CACNA2D1: variants seen among roughly 807,000 people sequenced by gnomAD.
The protein encoded by CACNA2D1 is calcium voltage-gated channel auxiliary subunit alpha2delta 1, also known as voltage-dependent calcium channel subunit alpha-2/delta-1.
CACNA2D1 carries 53 observed loss-of-function variants against 171.5 expected under a neutral mutation model. The ratio of observed to expected loss-of-function variants is 0.31; its 90% CI spans 0.25 to 0.39. The LOEUF is 0.39. CACNA2D1 is among the 10% of genes least tolerant of loss of function. The pLI is 1.00. For synonymous variants in CACNA2D1, 442 were observed against 443.1 expected (o/e 1.00, Z 0.03); for missense variants, 903 against 1,299.8 (o/e 0.69, Z 4.69).
At chr7:82,434,936 T>C (rs1444779035) in intron 1 of CACNA2D1, among the ~76,000 whole-genome samples, 1 of 152,064 alleles carries the variant, frequency 6.6e-6, no homozygotes, top group Non-Finnish European at 1.5e-5. Flanking sequence ...CTTAGTAGAT[T>C]ATAGATAAAT....
intron 3 of CACNA2D1, among the ~76,000 whole-genome samples, chr7:82,241,206 C>G (rs1804234384): frequency 6.6e-6 from 1 of 151,990 alleles, no homozygotes; most frequent in Non-Finnish European, 1.5e-5. Flanking sequence ...TAGTTATGAC[C>G]CTGATTACGA....
intron 1 of CACNA2D1, among the ~76,000 whole-genome samples, chr7:82,425,848 G>A (rs1196750536): frequency 2.0e-5 from 3 of 151,178 alleles, no homozygotes; most frequent in African/African-American, 7.3e-5. Context: ...TCTGTTTGGG[G>A]CTGGGCGTGG....
chr7:82,223,338 C>A (rs1392366049), intron 3 of CACNA2D1, among the ~76,000 whole-genome samples: 1 of 152,212 alleles, frequency 6.6e-6, no homozygotes, highest in Non-Finnish European at 1.5e-5. Flanking sequence ...ATTTTCCATT[C>A]TTCTCAATCT....
At position 82,012,783 on chromosome 7, in the gene CACNA2D1, G is replaced by A. The variant is rs762564982; in HGVS notation, c.1273-540C>T. Among the ~76,000 whole-genome samples the A allele has an allele frequency of 4.1e-4, 62 of 151,944 alleles. 1 individual carries two copies. Among genetic ancestry groups the A allele is most frequent in the Admixed American group, 3.3e-4 (5 of 15,250 alleles). ...AACATTCAGTGTATTCAGTATTCAC[G>A]TCCACAAATGCCATGTTATTTATGC... On this transcript the variant is annotated intron_variant, in intron 14 of 38. Coordinates refer to ENST00000356860, the MANE Select transcript of CACNA2D1 (RefSeq NM_000722.4).
At chr7:81,963,058 A>AATTTAGTTT (rs1415795691) in intron 34 of CACNA2D1, among the ~76,000 whole-genome samples, 2 of 151,966 alleles carry the variant, frequency 1.3e-5, no homozygotes, top group Non-Finnish European at 2.9e-5. Flanking sequence ...TCTAGAACTG[A>AATTTAGTTT]ATTTAGTTTA....
intron 1 of CACNA2D1, among the ~76,000 whole-genome samples, chr7:82,358,476 G>A (rs1820708135): frequency 6.6e-6 from 1 of 152,150 alleles, no homozygotes; most frequent in Non-Finnish European, 1.5e-5. Flanking sequence ...TAACACTGCT[G>A]CTCTGTTTTT....
chr7:82,060,400 C>G, intron 10 of CACNA2D1, 28 bp downstream of exon 10: 1 of 1,459,770 alleles, frequency 6.9e-7, no homozygotes, highest in East Asian at 2.3e-5. Context: ...AAATTTAATT[C>G]AGGAAAATGC....
At chr7:82,317,433 G>GTCC (rs1283574860) in intron 3 of CACNA2D1, among the ~76,000 whole-genome samples, 24 of 152,126 alleles carry the variant, frequency 1.6e-4, no homozygotes, top group Admixed American at 1.6e-3. Context: ...TCTTTAAACT[G>GTCC]TCCTCCTTCC....
intron 5 of CACNA2D1, among the ~76,000 whole-genome samples, chr7:82,126,266 C>A (rs1790323155): frequency 6.6e-6 from 1 of 152,108 alleles, no homozygotes; most frequent in Admixed American, 6.5e-5. Flanking sequence ...TACTGTATAA[C>A]AAGGCATACA....
intron 3 of CACNA2D1, among the ~76,000 whole-genome samples, chr7:82,288,825 C>G (rs1449675744): frequency 6.6e-6 from 1 of 152,114 alleles, no homozygotes; most frequent in East Asian, 1.9e-4. Flanking sequence ...GAAAATCAAG[C>G]CTTTTGGAGG....
intron 1 of CACNA2D1, among the ~76,000 whole-genome samples, chr7:82,374,767 A>C (rs1822816614): frequency 6.8e-6 from 1 of 146,556 alleles, no homozygotes. Flanking sequence ...AAAAGAACAC[A>C]CTAAACAAAC....
At chr7:81,980,851 G>C (rs927772235) in intron 24 of CACNA2D1, among the ~76,000 whole-genome samples, 5 of 152,088 alleles carry the variant, frequency 3.3e-5, no homozygotes, top group Admixed American at 6.6e-5. Context: ...CAACTAACAG[G>C]TTTCAAGATT....
intron 6 of CACNA2D1, among the ~76,000 whole-genome samples, chr7:82,100,947 A>T (rs554166668): frequency 3.3e-5 from 5 of 151,992 alleles, no homozygotes; most frequent in African/African-American, 1.2e-4. Context: ...TTGTGGATAA[A>T]CTCTTTGAAA....
intron 24 of CACNA2D1, among the ~76,000 whole-genome samples, chr7:81,975,313 T>A (rs1795726785): frequency 1.3e-5 from 2 of 152,148 alleles, no homozygotes. Flanking sequence ...CATGTTAATA[T>A]ATTTTAATAA....
intron 18 of CACNA2D1, among the ~76,000 whole-genome samples, chr7:82,000,172 T>C (rs1026031810): frequency 1.3e-5 from 2 of 151,858 alleles, no homozygotes; most frequent in Non-Finnish European, 2.9e-5. Flanking sequence ...GGCAGGAGAA[T>C]CATATGAACC....
At chr7:82,426,500 A>G (rs1429777429) in intron 1 of CACNA2D1, among the ~76,000 whole-genome samples, 2 of 152,202 alleles carry the variant, frequency 1.3e-5, no homozygotes, top group Non-Finnish European at 2.9e-5. Flanking sequence ...TACTTTTCTG[A>G]AAATATTTCA....
At chr7:82,261,228 T>G (rs1187498453) in intron 3 of CACNA2D1, among the ~76,000 whole-genome samples, 3 of 152,216 alleles carry the variant, frequency 2.0e-5, no homozygotes, top group Admixed American at 2.0e-4. Context: ...GTGCTGGGAT[T>G]ATAGGCATGG....
chr7:82,338,240 G>C (rs931826839), intron 2 of CACNA2D1, among the ~76,000 whole-genome samples: 6 of 151,916 alleles, frequency 3.9e-5, no homozygotes, highest in Non-Finnish European at 7.4e-5. Flanking sequence ...AAACCTCTTG[G>C]AAATCATAAT....
chr7:82,205,276 C>G (rs564394623), intron 3 of CACNA2D1, among the ~76,000 whole-genome samples: 22 of 152,116 alleles, frequency 1.4e-4, no homozygotes, highest in Admixed American at 1.4e-3. Context: ...ATATGTAACA[C>G]ATAATTATTA....
Sources: allele counts gnomAD v4.1 joint callset (sites outside exome capture counted in the v4.1 genomes callset), GRCh38; gene constraint gnomAD v4.1.1; transcripts MANE v1.5; gene names NCBI Gene and HGNC (gene_info 2026-07-23, HGNC 2026-07-21).